The following SEPTIN9 variants were observed in gnomAD, a reference collection of about 807,000 sequenced individuals.
The protein encoded by SEPTIN9 is septin 9.
A neutral mutation model predicts 56.6 loss-of-function variants in SEPTIN9; 13 were observed. The ratio of observed to expected loss-of-function variants is 0.23; its 90% confidence interval spans 0.15 to 0.37. The LOEUF (loss-of-function observed/expected upper bound fraction) is 0.37, where lower values mean the gene tolerates loss of function less well. Among genes scored for constraint, SEPTIN9 ranks in the 10% least tolerant of loss-of-function variants. The pLI is 1.00. For synonymous variants in SEPTIN9, 332 were observed against 334.1 expected (o/e 0.99, Z 0.07); for missense variants, 650 against 823.1 (o/e 0.79, Z 2.57).
chr17:77,285,573 T>C (rs146061003), intron 1 of SEPTIN9, among the ~76,000 whole-genome samples: 4,241 of 152,046 alleles, frequency 0.028, 70 homozygotes, highest in Non-Finnish European at 0.043. Flanking sequence ...AATTTTTGTA[T>C]TTTTTAGTAG....
rs1388443878 is a variant in SEPTIN9 at position 77,449,872 on chromosome 17, GTGT to G, written c.722-32269_722-32267del. 6.6e-6 allele frequency among the ~76,000 whole-genome samples: 1 copy of G among 152,204 alleles called. No individual in the cohort carries two copies. Among genetic ancestry groups the G allele is most frequent in the African/African-American group, 2.4e-5 (1 of 41,432 alleles). On this transcript the variant is annotated intron_variant, in intron 3 of 11. Coordinates refer to ENST00000427177, the MANE Select transcript of SEPTIN9 (RefSeq NM_001113491.2). The surrounding 1 kb of genome is among the most constrained non-coding windows in gnomAD (Gnocchi z 4.6). ...TGTCTTGCTGTAATTTTGGCGACTG[GTGT>G]TGGTGGTGCCCATTTTATGGATGGG...
intron 1 of SEPTIN9, among the ~76,000 whole-genome samples, chr17:77,303,612 C>T (rs887481982): frequency 9.9e-5 from 15 of 151,498 alleles, no homozygotes; most frequent in African/African-American, 3.4e-4. Flanking sequence ...ACTTGGGAGG[C>T]GGAGGTTGCG....
chr17:77,471,891 C>T lies in SEPTIN9; in HGVS notation c.722-10253C>T, dbSNP rs201978288. Among the ~76,000 whole-genome samples the T allele has an allele frequency of 6.6e-5, 10 of 152,154 alleles. No homozygotes were observed. The East Asian group carries it at 1.9e-3, about 29-fold the overall frequency. On this transcript the variant is annotated intron_variant, in intron 3 of 11. Transcript: ENST00000427177. ...AAGGCATCAGGGCCATTCCCTGACCCTCCCTCTGCAGTGGATCCACTTCAG... is the reference window on the plus strand; with the variant it reads ...AAGGCATCAGGGCCATTCCCTGACCTTCCCTCTGCAGTGGATCCACTTCAG...
At chr17:77,479,672 G>A (rs1442813708) in intron 3 of SEPTIN9, among the ~76,000 whole-genome samples, 1 of 152,174 alleles carries the variant, frequency 6.6e-6, no homozygotes, top group Non-Finnish European at 1.5e-5. Context: ...CAGCTGAGCC[G>A]GCCCCTCCCT....
At position 77,480,706 on chromosome 17, in the gene SEPTIN9, G is replaced by C. The variant is rs1212408757; in HGVS notation, c.722-1438G>C. On this transcript the variant is annotated intron_variant, in intron 3 of 11. Coordinates refer to ENST00000427177, the MANE Select transcript of SEPTIN9 (RefSeq NM_001113491.2). ...TGGCTGCCCCTGCTGGGTGCCCACC[G>C]GTCCCAGGGAAAAGCCACTCCCCTC... is the stretch of plus-strand genomic sequence containing the variant. 3.9e-5 allele frequency among the ~76,000 whole-genome samples: 6 copies of C among 152,310 alleles called. No homozygotes were observed. The South Asian group carries it at 8.3e-4, about 21-fold the overall frequency.
chr17:77,371,253 C>T lies in SEPTIN9; in HGVS notation c.77-30806C>T, dbSNP rs964797491. ...CTCTGAGCACAGTCACGAAGGCATGCGCACTTTCTGGCTGCTCTCCTGCCA... is the reference window on the plus strand; with the variant it reads ...CTCTGAGCACAGTCACGAAGGCATGTGCACTTTCTGGCTGCTCTCCTGCCA... On this transcript the variant is annotated intron_variant, in intron 2 of 11. Coordinates refer to ENST00000427177, the MANE Select transcript of SEPTIN9 (RefSeq NM_001113491.2). The surrounding 1 kb of genome is among the most constrained non-coding windows in gnomAD (Gnocchi z 4.1). Among the ~76,000 whole-genome samples the T allele has an allele frequency of 1.3e-5, 2 of 152,212 alleles. No individual in the cohort carries two copies. The highest frequency in any genetic ancestry group is 2.9e-5 in the Non-Finnish European group (2 of 68,038).
At chr17:77,496,004 ATTTTC>A (rs552277120) in intron 10 of SEPTIN9, among the ~76,000 whole-genome samples, 51 of 148,216 alleles carry the variant, frequency 3.4e-4, no homozygotes, top group South Asian at 6.5e-4. Context: ...TCTATGCCTC[ATTTTC>A]TTTTCTTTTC....
chr17:77,294,262 C>T (rs7406929), intron 1 of SEPTIN9, among the ~76,000 whole-genome samples: 77,752 of 151,686 alleles, frequency 0.51, 21,980 homozygotes, highest in East Asian at 0.78. Flanking sequence ...CTACCAAAAA[C>T]ATAAAAAATT....
chr17:77,481,506 G>A (rs1484696901), intron 3 of SEPTIN9, among the ~76,000 whole-genome samples: 1 of 150,952 alleles, frequency 6.6e-6, no homozygotes, highest in Non-Finnish European at 1.5e-5. Flanking sequence ...CTATGGGATT[G>A]AACACACAAC....
At chr17:77,393,565 C>T (rs946160560) in intron 2 of SEPTIN9, among the ~76,000 whole-genome samples, 1 of 151,850 alleles carries the variant, frequency 6.6e-6, no homozygotes, top group Non-Finnish European at 1.5e-5. Context: ...CATGCCTGCA[C>T]CCAGGGAATC....
intron 2 of SEPTIN9, among the ~76,000 whole-genome samples, chr17:77,385,978 G>C (rs779389373): frequency 6.6e-6 from 1 of 152,294 alleles, no homozygotes; most frequent in African/African-American, 2.4e-5. Context: ...TCCATGTCCG[G>C]GCTGGAAGGG....
intron 3 of SEPTIN9, among the ~76,000 whole-genome samples, chr17:77,417,716 C>T (rs548870229): frequency 1.2e-3 from 183 of 152,270 alleles, no homozygotes; most frequent in African/African-American, 4.0e-3. Flanking sequence ...AAATGTTTGC[C>T]GTCTTTTCTG....
chr17:77,312,787 G>A (rs938160855), intron 2 of SEPTIN9, among the ~76,000 whole-genome samples: 2 of 152,158 alleles, frequency 1.3e-5, no homozygotes, highest in Admixed American at 6.5e-5. Flanking sequence ...TGTCTCTAGG[G>A]AGGAGAAGAA....
At chr17:77,303,688 GTAA>G (rs113943617) in intron 1 of SEPTIN9, among the ~76,000 whole-genome samples, 5,855 of 150,696 alleles carry the variant, frequency 0.039, 165 homozygotes, top group African/African-American at 0.084. Flanking sequence ...CTCAAAAGTA[GTAA>G]TAATAATAAT....
intron 1 of SEPTIN9, among the ~76,000 whole-genome samples, chr17:77,300,412 G>T (rs899373866): frequency 2.6e-5 from 4 of 152,170 alleles, no homozygotes; most frequent in African/African-American, 4.8e-5. Context: ...TAGGCAGGGG[G>T]TGGGGGCAAG....
chr17:77,435,004 T>A lies in SEPTIN9; in HGVS notation c.721+32301T>A, dbSNP rs1443455091. ...CCGTGGCAGGAGTGGTGATGTCCGATGATGGTAACAAGGGCTTCCTGAGGA... is the reference window on the plus strand; with the variant it reads ...CCGTGGCAGGAGTGGTGATGTCCGAAGATGGTAACAAGGGCTTCCTGAGGA... On this transcript the variant is annotated intron_variant, in intron 3 of 11. Transcript: ENST00000427177. This position sits in a 1 kb window ranked among gnomAD's most constrained non-coding sequence, Gnocchi z 4.5. Among the ~76,000 whole-genome samples the A allele has an allele frequency of 1.3e-5, 2 of 152,184 alleles. No individual in the cohort carries two copies. The highest frequency in any genetic ancestry group is 2.1e-4 in the South Asian group (1 of 4,834).
rs139317323 is a variant in SEPTIN9 at position 77,405,285 on chromosome 17, C to G, written c.721+2582C>G. On this transcript the variant is annotated intron_variant, in intron 3 of 11. Transcript: ENST00000427177. The surrounding 1 kb of genome is among the most constrained non-coding windows in gnomAD (Gnocchi z 5.8). Reference sequence around the variant, plus strand: ...CTCTGCTTTCTGGAGCTCACCGAGCCGTGAGCAGGATGGCTGGGACACAAG... The same window carrying G: ...CTCTGCTTTCTGGAGCTCACCGAGCGGTGAGCAGGATGGCTGGGACACAAG... 1.5e-6 allele frequency: 1 copy of G among 668,638 alleles called. No individual in the cohort carries two copies. The highest frequency in any genetic ancestry group is 2.5e-6 in the Non-Finnish European group (1 of 397,430). The allele number at this position is 668,638 out of a possible 1,614,324, so 41.4% of individuals were successfully genotyped here.
Position 77,324,123 on chromosome 17 carries a change from C to T in SEPTIN9, c.76+16926C>T, listed in dbSNP as rs1046620874. ...CACTCGACCTCTGCCTCCGTTGTCA[C>T]GGGGCCTCCTTCTGTGCCCTAAATC... On this transcript the variant is annotated intron_variant, in intron 2 of 11. Transcript: ENST00000427177. 6.6e-5 allele frequency among the ~76,000 whole-genome samples: 10 copies of T among 152,348 alleles called. No individual in the cohort carries two copies. In the South Asian group the frequency reaches 1.5e-3, roughly 22 times the overall value.
intron 3 of SEPTIN9, among the ~76,000 whole-genome samples, chr17:77,452,248 G>A (rs2038007266): frequency 6.6e-6 from 1 of 152,224 alleles, no homozygotes; most frequent in Non-Finnish European, 1.5e-5. Flanking sequence ...TCTCCCTAAC[G>A]GACCTGCTTT....
Sources: gnomAD v4.1 joint callset for allele counts (sites outside exome capture counted in the v4.1 genomes callset) on GRCh38, gnomAD v4.1.1 for gene constraint, Gnocchi (gnomAD v3.1) non-coding constraint, MANE v1.5 for transcripts, NCBI Gene and HGNC (gene_info 2026-07-23, HGNC 2026-07-21) for gene names.